GCLC: variants seen among roughly 807,000 people sequenced by gnomAD.
GCLC encodes glutamate--cysteine ligase catalytic subunit.
GCLC carries 30 observed loss-of-function variants against 81.5 expected under a neutral mutation model. That is an observed-to-expected ratio of 0.37 (90% CI 0.28 to 0.50). The LOEUF (loss-of-function observed/expected upper bound fraction) is 0.50, where lower values mean the gene tolerates loss of function less well. Ranked by LOEUF, GCLC falls within the 20% of genes least tolerant of loss-of-function variation. The pLI, the probability that GCLC is intolerant of heterozygous loss-of-function variation, is 0.96. For synonymous variants in GCLC, 262 were observed against 273.3 expected (o/e 0.96, Z 0.41); for missense variants, 556 against 777.4 (o/e 0.72, Z 3.39).
rs376641908 is a variant in GCLC, at chr6:53,520,942, T to C, written c.282A>G (p.Arg94=). Reference sequence around the variant, plus strand: ...CAATCATGTAACTCCCATACTCTGGTCTCCAAAGGGTAGGATGGCTACGGA... The same window carrying C: ...CAATCATGTAACTCCCATACTCTGGCCTCCAAAGGGTAGGATGGCTACGGA... ...RTNPNHPTLW[R]PEYGSYMIEG... Residue 94 remains arginine, a synonymous_variant, in exon 3 of 16, where the codon AGA becomes AGG. Coordinates refer to ENST00000650454, the MANE Select transcript of GCLC (RefSeq NM_001498.4). 2.5e-6 allele frequency: 4 copies of C among 1,613,524 alleles called. No homozygotes were observed. The highest frequency in any genetic ancestry group is 3.4e-6 in the Non-Finnish European group (4 of 1,179,424).
At chr6:53,537,614 A>AAAATAAAT (rs200187470) in intron 1 of GCLC, among the ~76,000 whole-genome samples, 4,082 of 149,092 alleles carry the variant, frequency 0.027, 149 homozygotes, top group African/African-American at 0.084. Flanking sequence ...ACCCTGTCTC[A>AAAATAAAT]AAATAAATAA....
intron 5 of GCLC, 27 bp from the exon 6 acceptor site, chr6:53,514,364 A>G: frequency 6.3e-7 from 1 of 1,587,072 alleles, no homozygotes; most frequent in Non-Finnish European, 8.7e-7. Context: ...CAAAAATAAA[A>G]ATGGTTTAGA....
In GCLC at chr6:53,505,484, C is replaced by T; in HGVS notation, c.1303G>A (p.Asp435Asn). The T allele has an allele frequency of 6.4e-7, 1 of 1,570,222 alleles. No homozygotes were observed. The highest frequency in any genetic ancestry group is 2.2e-5 in the East Asian group (1 of 44,588). Reference sequence around the variant, plus strand: ...ACCACATAGGCAGAGTTCTCAAAGTCTGTTAATTGCACCTAGACAAGCAGA... The same window carrying T: ...ACCACATAGGCAGAGTTCTCAAAGTTTGTTAATTGCACCTAGACAAGCAGA... ...EFRPMEVQLT[D>N]FENSAYVVFV... is the part of the protein sequence containing the mutation. Residue 435 changes from aspartate to asparagine, a missense_variant, in exon 12 of 16, where the codon GAC (aspartate) becomes AAC (asparagine). By Grantham distance (23) the Asp-to-Asn change is conservative (BLOSUM62 1). Transcript: ENST00000650454.
In GCLC at chr6:53,498,687, ACGGG is replaced by A. The variant is rs1764427585; in HGVS notation, c.*65_*68del. 4.4e-6 allele frequency: 4 copies of A among 913,056 alleles called. No homozygotes were observed. The Admixed American group carries it at 5.7e-5, about 13-fold the overall frequency. 56.6% of individuals were successfully genotyped at this position (913,056 alleles called of 1,614,324 possible). On this transcript the variant is annotated 3_prime_UTR_variant, in exon 16 of 16. Coordinates refer to ENST00000650454, the MANE Select transcript of GCLC (RefSeq NM_001498.4). Reference sequence around the variant, plus strand: ...ATCATTTGGTCTTCATATTATACACACGGGCTGGCTGAGAGGCATGGTACTGTAG... The same window carrying A: ...ATCATTTGGTCTTCATATTATACACACTGGCTGAGAGGCATGGTACTGTAG...
intron 3 of GCLC, among the ~76,000 whole-genome samples, chr6:53,516,707 G>A (rs1470946286): frequency 6.6e-6 from 1 of 152,170 alleles, no homozygotes; most frequent in Non-Finnish European, 1.5e-5. Context: ...GAAGGAGCCT[G>A]TTTTTTGCCT....
chr6:53,528,615 TC>T (rs905040926), intron 1 of GCLC, among the ~76,000 whole-genome samples: 4 of 152,326 alleles, frequency 2.6e-5, no homozygotes, highest in Admixed American at 1.3e-4. Flanking sequence ...TAGGTTTTTT[TC>T]CTCCTACTTT....
intron 3 of GCLC, among the ~76,000 whole-genome samples, chr6:53,519,838 A>C (rs1762956422): frequency 1.3e-5 from 2 of 152,182 alleles, no homozygotes; most frequent in Admixed American, 1.3e-4. Context: ...GGCTTAAATA[A>C]GTTTTCAACT....
chr6:53,533,022 T>C lies in GCLC; in HGVS notation c.151-10495A>G, dbSNP rs371852147. Among the ~76,000 whole-genome samples the C allele has an allele frequency of 6.7e-4, 102 of 152,312 alleles. No individual in the cohort carries two copies. In the Middle Eastern group the frequency reaches 0.017, roughly 25 times the overall value. On this transcript the variant is annotated intron_variant, in intron 1 of 15. Coordinates refer to ENST00000650454, the MANE Select transcript of GCLC (RefSeq NM_001498.4). ...AACTTTCCAAGTGCCAATAAAGATA[T>C]ATCAAATATGAACTCTTTTGGCTAT...
chr6:53,512,900 A>T (rs1245670756), intron 6 of GCLC: 2 of 152,206 alleles, frequency 1.3e-5, no homozygotes, highest in Non-Finnish European at 2.9e-5. Context: ...TTTTAAAACC[A>T]TGTACTGTAA....
intron 4 of GCLC, 30 bp from the exon 5 acceptor site, chr6:53,514,527 G>A: frequency 6.5e-7 from 1 of 1,527,546 alleles, no homozygotes; most frequent in Non-Finnish European, 9.1e-7. Flanking sequence ...GTCATAAATT[G>A]GTCACCTAAG....
intron 12 of GCLC, chr6:53,500,978 C>A (rs1800387189): frequency 8.0e-6 from 2 of 250,170 alleles, no homozygotes; most frequent in African/African-American, 2.3e-5. Context: ...TGCAGTGGTG[C>A]AATCTCATCT....
At chr6:53,538,330 C>CTTT (rs111804488) in intron 1 of GCLC, among the ~76,000 whole-genome samples, 2,783 of 135,754 alleles carry the variant, frequency 0.021, 113 homozygotes, top group African/African-American at 0.072. Flanking sequence ...TATGCATTTT[C>CTTT]TTTTTTTTTT....
chr6:53,500,918 C>T (rs1764499274), intron 12 of GCLC: 1 of 312,580 alleles, frequency 3.2e-6, no homozygotes, highest in South Asian at 2.9e-5. Flanking sequence ...GAACCCAGTT[C>T]TTCTTCTGTT....
chr6:53,517,113 G>T (rs1007876995), intron 3 of GCLC, among the ~76,000 whole-genome samples: 2 of 142,924 alleles, frequency 1.4e-5, no homozygotes, highest in East Asian at 2.1e-4. Context: ...CTGAGAAAGG[G>T]TCTTGCTCTG....
rs201680153 is a variant in GCLC at position 53,507,616 on chromosome 6, T to C, written c.948A>G (p.Pro316=). Reference sequence around the variant, plus strand: ...TGATCCTATAGTTATTGTTCTTCAATGGCTAAAGATTAAAAATATATATAA... The same window carrying C: ...TGATCCTATAGTTATTGTTCTTCAACGGCTAAAGATTAAAAATATATATAA... The part of the protein sequence containing the change: ...DRTREERGLE[P]LKNNNYRISK... Residue 316 remains proline (P), a splice_region_variant and synonymous_variant, in exon 9 of 16, where the codon CCA becomes CCG. Transcript: ENST00000650454. The C allele has an allele frequency of 5.1e-5, 72 of 1,407,394 alleles. No homozygotes were observed. Among genetic ancestry groups the C allele is most frequent in the Non-Finnish European group, 6.9e-5 (69 of 995,594 alleles). The allele number at this position is 1,407,394 out of a possible 1,614,324, so 87.2% of individuals were successfully genotyped here.
chr6:53,530,552 A>G (rs1304146438), intron 1 of GCLC, among the ~76,000 whole-genome samples: 1 of 152,244 alleles, frequency 6.6e-6, no homozygotes, highest in Non-Finnish European at 1.5e-5. Context: ...AAATGAGGTC[A>G]GCCTGATTTT....
At chr6:53,528,097 T>C (rs1199827584) in intron 1 of GCLC, among the ~76,000 whole-genome samples, 3 of 152,322 alleles carry the variant, frequency 2.0e-5, no homozygotes, top group South Asian at 2.1e-4. Context: ...CTTCCCAAAC[T>C]TGGAGCACCC....
At chr6:53,501,400 T>C (rs1240940089) in intron 12 of GCLC, 1 of 152,258 alleles carries the variant, frequency 6.6e-6, no homozygotes. Flanking sequence ...CCTCCGGACA[T>C]GTAGACTCAC....
chr6:53,535,980 C>G (rs997374475), intron 1 of GCLC, among the ~76,000 whole-genome samples: 1 of 152,178 alleles, frequency 6.6e-6, no homozygotes, highest in Non-Finnish European at 1.5e-5. Context: ...TCCATACATA[C>G]AAACTTGTAT....
Sources: allele counts gnomAD v4.1 joint callset (sites outside exome capture counted in the v4.1 genomes callset), GRCh38; gene constraint gnomAD v4.1.1; transcripts MANE v1.5; gene names NCBI Gene and HGNC (gene_info 2026-07-23, HGNC 2026-07-21).